MAP1B: variants seen among roughly 807,000 people sequenced by gnomAD.
The protein encoded by MAP1B is microtubule-associated protein 1B.
MAP1B carries 12 observed loss-of-function variants against 176.1 expected under a neutral mutation model. The observed-to-expected ratio is 0.07, with a 90% CI of 0.04 to 0.11. The LOEUF (loss-of-function observed/expected upper bound fraction) is 0.11, where lower values mean the gene tolerates loss of function less well. MAP1B is among the 10% of genes least tolerant of loss of function. MAP1B has a pLI of 1.00. For synonymous variants in MAP1B, 1,044 were observed against 1,135.0 expected (o/e 0.92, Z 1.61); for missense variants, 2,523 against 2,990.5 (o/e 0.84, Z 3.65).
chr5:72,148,663 G>A (rs892458646), intron 2 of MAP1B, among the ~76,000 whole-genome samples: 2 of 152,232 alleles, frequency 1.3e-5, no homozygotes, highest in African/African-American at 2.4e-5. Context: ...GCCACGCACC[G>A]AGGAGATGTT....
intron 2 of MAP1B, among the ~76,000 whole-genome samples, chr5:72,132,904 G>C (rs991205857): frequency 6.6e-6 from 1 of 152,152 alleles, no homozygotes; most frequent in Non-Finnish European, 1.5e-5. Flanking sequence ...ATAAGAAGGA[G>C]GTTCAGGAAT....
intron 2 of MAP1B, among the ~76,000 whole-genome samples, chr5:72,128,792 C>T (rs776559511): frequency 4.6e-5 from 7 of 152,104 alleles, no homozygotes; most frequent in Non-Finnish European, 1.0e-4. Context: ...AGGCACATGC[C>T]AAGGCAAACA....
chr5:72,183,863 C>G (rs765558948), intron 3 of MAP1B, 38 bp downstream of exon 3: 1 of 1,572,874 alleles, frequency 6.4e-7, no homozygotes, highest in South Asian at 1.1e-5. Flanking sequence ...GGCCGGGCCC[C>G]ACACACTGGA....
intron 2 of MAP1B, among the ~76,000 whole-genome samples, chr5:72,181,965 C>T (rs1233190843): frequency 6.6e-6 from 1 of 151,634 alleles, no homozygotes; most frequent in Non-Finnish European, 1.5e-5. Context: ...ACCTCGTGAT[C>T]CACCTGCCTT....
chr5:72,155,537 GT>G (rs1279937824), intron 2 of MAP1B, among the ~76,000 whole-genome samples: 2 of 152,186 alleles, frequency 1.3e-5, no homozygotes, highest in African/African-American at 2.4e-5. Context: ...GTCCTTCATT[GT>G]GACAATATGC....
intron 5 of MAP1B, 51 bp from the exon 6 acceptor site, chr5:72,203,511 TG>T: frequency 1.6e-6 from 2 of 1,283,612 alleles, no homozygotes; most frequent in Non-Finnish European, 1.1e-6. Flanking sequence ...GCTGGATGTA[TG>T]GTCTCTTCAC....
intron 2 of MAP1B, among the ~76,000 whole-genome samples, chr5:72,177,882 G>A (rs1462896959): frequency 6.6e-6 from 1 of 152,196 alleles, no homozygotes; most frequent in African/African-American, 2.4e-5. Context: ...TAAAGAGGTT[G>A]AGTTGAATAA....
In MAP1B at chr5:72,185,287, G is replaced by T. The variant is rs1244535944; in HGVS notation, c.370-1327G>T. 2.6e-5 allele frequency among the ~76,000 whole-genome samples: 4 copies of T among 152,162 alleles called. 1 individual carries two copies. The highest frequency in any genetic ancestry group is 5.9e-5 in the Non-Finnish European group (4 of 68,036). On this transcript the variant is annotated intron_variant, in intron 3 of 6. Transcript: ENST00000296755. ...ACTTCTGCCTGCTTTAGATCAGCAGGACCTCTGACAATCCATGAAGGTGTG... is the reference window on the plus strand; with the variant it reads ...ACTTCTGCCTGCTTTAGATCAGCAGTACCTCTGACAATCCATGAAGGTGTG...
At chr5:72,134,024 G>A (rs1745785615) in intron 2 of MAP1B, among the ~76,000 whole-genome samples, 1 of 152,132 alleles carries the variant, frequency 6.6e-6, no homozygotes, top group South Asian at 2.1e-4. Flanking sequence ...TCCGCCAAAA[G>A]TGTCACATGC....
Position 72,196,848 on chromosome 5 carries a change from T to G in MAP1B, c.3493T>G (p.Tyr1165Asp), listed in dbSNP as rs759960157. The change falls in exon 5 of 7, where the codon TAT becomes GAT. Residue 1165 changes from tyrosine (Y) to aspartate (D), a missense_variant. Transcript: ENST00000296755. This position sits in a 1 kb window ranked among gnomAD's most constrained non-coding sequence, Gnocchi z 5.3. Reference protein sequence around the residue: ...PSQEFVNITKYESSLYSQEYS... With the variant: ...PSQEFVNITKDESSLYSQEYS... The stretch of plus-strand genomic sequence containing the variant: ...TCAGGAATTCGTAAATATCACCAAA[T>G]ATGAATCTTCATTGTATTCTCAGGA... The G allele has an allele frequency of 6.2e-7, 1 of 1,614,144 alleles. No homozygotes were observed. The highest frequency in any genetic ancestry group is 8.5e-7 in the Non-Finnish European group (1 of 1,179,998).
chr5:72,179,668 G>GA, intron 2 of MAP1B: 2 of 985,482 alleles, frequency 2.0e-6, no homozygotes, highest in Non-Finnish European at 2.4e-6. Context: ...GTCGTCCCCA[G>GA]AAAGAATCTG....
intron 2 of MAP1B, among the ~76,000 whole-genome samples, chr5:72,155,766 C>CTT (rs11330287): frequency 0.14 from 17,461 of 126,368 alleles, 1,483 homozygotes; most frequent in South Asian, 0.21. Flanking sequence ...ATTTTCTTTT[C>CTT]TTTTTTTTTT....
At chr5:72,180,145 C>T (rs1476770608) in intron 2 of MAP1B, among the ~76,000 whole-genome samples, 1 of 152,096 alleles carries the variant, frequency 6.6e-6, no homozygotes, top group Non-Finnish European at 1.5e-5. Flanking sequence ...TGTGTAGGAT[C>T]ACTTCAGAAA....
At chr5:72,155,627 T>C (rs553299578) in intron 2 of MAP1B, among the ~76,000 whole-genome samples, 16 of 152,324 alleles carry the variant, frequency 1.1e-4, no homozygotes, top group Middle Eastern at 6.8e-3. Flanking sequence ...AGTGGTGATG[T>C]TCTGACTGGT....
intron 2 of MAP1B, among the ~76,000 whole-genome samples, chr5:72,163,959 G>T: frequency 9.2e-6 from 1 of 109,002 alleles, no homozygotes; most frequent in South Asian, 2.9e-4. Context: ...TTTGAGACAG[G>T]GTCTTGCTCT....
At chr5:72,169,659 G>C (rs1307712947) in intron 2 of MAP1B, 3 of 154,348 alleles carry the variant, frequency 1.9e-5, no homozygotes, top group Non-Finnish European at 4.4e-5. Flanking sequence ...TCTAGGCTTT[G>C]TGAGATTTAC....
In MAP1B at chr5:72,107,735, CAG is replaced by C; in HGVS notation, c.184+24_184+25del. The C allele has an allele frequency of 6.3e-7, 1 of 1,597,020 alleles. No homozygotes were observed. On this transcript the variant is annotated intron_variant, in intron 1 of 6. Transcript: ENST00000296755. Reference sequence around the variant, plus strand: ...AGCTCGGTAAGTGGCCCCGCGCCCCCAGAGACGCGCGCTGGGAGACGCGCAAA... The same window carrying C: ...AGCTCGGTAAGTGGCCCCGCGCCCCCAGACGCGCGCTGGGAGACGCGCAAA...
intron 2 of MAP1B, among the ~76,000 whole-genome samples, chr5:72,159,773 G>T (rs1746295007): frequency 6.6e-6 from 1 of 152,190 alleles, no homozygotes; most frequent in African/African-American, 2.4e-5. Context: ...GGAACTAGGA[G>T]CTTCATACCA....
In MAP1B at chr5:72,162,251, A is replaced by G. The variant is rs576460024; in HGVS notation, c.287-21492A>G. 6.0e-4 allele frequency among the ~76,000 whole-genome samples: 92 copies of G among 152,302 alleles called. 1 individual carries two copies. The highest frequency in any genetic ancestry group is 2.1e-3 in the African/African-American group (89 of 41,562). ...TGAGCTGGGGAGAAAGGAAAGAACC[A>G]AAATAATGGCAGAAATATTTTTATC... On this transcript the variant is annotated intron_variant, in intron 2 of 6. Coordinates refer to ENST00000296755, the MANE Select transcript of MAP1B (RefSeq NM_005909.5).
Sources: gnomAD v4.1 joint callset for allele counts (sites outside exome capture counted in the v4.1 genomes callset) on GRCh38, gnomAD v4.1.1 for gene constraint, Gnocchi (gnomAD v3.1) non-coding constraint, MANE v1.5 for transcripts, NCBI Gene and HGNC (gene_info 2026-07-23, HGNC 2026-07-21) for gene names.